TTF2: variants seen among roughly 807,000 people sequenced by gnomAD.
The protein encoded by TTF2 is RNA polymerase II termination factor.
TTF2 carries 108 observed loss-of-function variants against 142.4 expected under a neutral mutation model. That is an observed-to-expected ratio of 0.76 (90% CI 0.65 to 0.89). The LOEUF (loss-of-function observed/expected upper bound fraction) is 0.89, where lower values mean the gene tolerates loss of function less well. TTF2 is among the 40% of genes least tolerant of loss of function. TTF2 has a pLI of 0.00. For synonymous variants in TTF2, 483 were observed against 506.2 expected (o/e 0.95, Z 0.61); for missense variants, 1,327 against 1,379.8 (o/e 0.96, Z 0.61).
At chr1:117,072,422 CTTTT>C (rs34927356) in intron 3 of TTF2, among the ~76,000 whole-genome samples, 6 of 102,042 alleles carry the variant, frequency 5.9e-5, no homozygotes, top group African/African-American at 2.1e-4. Flanking sequence ...AAGATACGGA[CTTTT>C]TTTTTTTTTT....
rs1357712843 is a variant in TTF2, at chr1:117,088,884, G to C, written c.2244G>C (p.Gln748His). The change falls in exon 13 of 23, where the codon CAG becomes CAC. Residue 748 changes from glutamine (Q) to histidine (H), a missense_variant. By Grantham distance (24) the Gln-to-His change is conservative. Transcript: ENST00000369466. ...EAHNVKNPRV[Q>H]TSIAVCKLQA... ...ACAATGTTAAGAATCCCCGAGTGCAGACTTCCATAGCTGTGTGTAAGCTAC... is the reference window on the plus strand; with the variant it reads ...ACAATGTTAAGAATCCCCGAGTGCACACTTCCATAGCTGTGTGTAAGCTAC... The C allele has an allele frequency of 6.2e-7, 1 of 1,614,204 alleles. No homozygotes were observed. Among genetic ancestry groups the C allele is most frequent in the Admixed American group, 1.7e-5 (1 of 60,022 alleles).
Position 117,105,148 on chromosome 1 carries a change from AG to A in TTF2, c.*3627del, listed in dbSNP as rs1404136738. 3.9e-5 allele frequency: 6 copies of A among 151,968 alleles called. No individual in the cohort carries two copies. Among genetic ancestry groups the A allele is most frequent in the Admixed American group, 3.3e-4 (5 of 15,272 alleles). The allele number at this position is 151,968 out of a possible 1,614,324, so 9.4% of individuals were successfully genotyped here. Reference sequence around the variant, plus strand: ...GTAATAAATGCTTTGAAAACCATGAAGGGCCACACAAGTGCTAGTGTTATTG... The same window carrying A: ...GTAATAAATGCTTTGAAAACCATGAAGGCCACACAAGTGCTAGTGTTATTG... On this transcript the variant is annotated 3_prime_UTR_variant, in exon 23 of 23. Transcript: ENST00000369466. This position sits in a 1 kb window ranked among gnomAD's most constrained non-coding sequence, Gnocchi z 4.7.
At position 117,077,932 on chromosome 1, in the gene TTF2, T is replaced by C; in HGVS notation, c.1590T>C (p.Asp530=). ...TGTATGCAGGCCATACAAACCAAGA[T>C]CACGTTCATGCAGTGTGGAAAATCA... The part of the protein sequence containing the change: ...SQCYRGHTNQ[D]HVHAVWKITS... The change falls in exon 8 of 23, where the codon GAT becomes GAC. Residue 530 remains aspartate (D), a synonymous_variant. Coordinates refer to ENST00000369466, the MANE Select transcript of TTF2 (RefSeq NM_003594.4). The C allele has an allele frequency of 6.2e-7, 1 of 1,614,154 alleles. No individual in the cohort carries two copies. Among genetic ancestry groups the C allele is most frequent in the East Asian group, 2.2e-5 (1 of 44,884 alleles).
Position 117,076,555 on chromosome 1 carries a change from C to A in TTF2, c.1391-86C>A. 1 of 1,375,490 alleles carries A rather than the reference C, an allele frequency of 7.3e-7. No individual in the cohort carries two copies. The highest frequency in any genetic ancestry group is 1.4e-5 in the South Asian group (1 of 69,640). 85.2% of individuals were successfully genotyped at this position (1,375,490 alleles called of 1,614,324 possible). Reference sequence around the variant, plus strand: ...TCCTTCATCGGAATGGTGATGATCCCTCTCTCTTGACCTCACCTCCACACA... The same window carrying A: ...TCCTTCATCGGAATGGTGATGATCCATCTCTCTTGACCTCACCTCCACACA... On this transcript the variant is annotated intron_variant, in intron 6 of 22. Transcript: ENST00000369466. This position sits in a 1 kb window ranked among gnomAD's most constrained non-coding sequence, Gnocchi z 4.6.
At chr1:117,082,156 A>T in intron 10 of TTF2, 1 of 630,576 alleles carries the variant, frequency 1.6e-6, no homozygotes, top group Non-Finnish European at 2.7e-6. Flanking sequence ...TTTGCCTATA[A>T]ACTAGGCAGA....
chr1:117,084,900 C>A (rs76457284), intron 11 of TTF2, among the ~76,000 whole-genome samples: 5 of 152,152 alleles, frequency 3.3e-5, no homozygotes, highest in Non-Finnish European at 7.4e-5. Context: ...AAGAACGGGG[C>A]GGCAGTCTTT....
intron 7 of TTF2, 111 bp from the exon 8 acceptor site, chr1:117,077,805 T>C: frequency 7.0e-7 from 1 of 1,431,800 alleles, no homozygotes; most frequent in South Asian, 1.3e-5. Context: ...GGAGAGTAGT[T>C]AACAAGGAGG....
rs1175719738 is a variant in TTF2, at chr1:117,060,512, TC to T, written c.87del (p.Tyr30ThrfsTer29). ...VRDGPNKGKS[F>X]YVCRADTCSF... ...GATGGCCCGAATAAAGGAAAGAGCT[TC>T]TACGTGTGCCGGGCAGACACGTGCA... On this transcript the variant is annotated frameshift_variant, in exon 2 of 23. Transcript: ENST00000369466. LOFTEE classifies it high-confidence loss of function. The T allele has an allele frequency of 1.2e-6, 2 of 1,613,924 alleles. No homozygotes were observed. Among genetic ancestry groups the T allele is most frequent in the Non-Finnish European group, 1.7e-6 (2 of 1,179,928 alleles).
rs10494196 is a variant in TTF2, at chr1:117,073,657, T to C, written c.219-4T>C. ...TTGATTATTTGTGTTTTATACTTCA[T>C]TAGATTGTTCTTCCGATGCATTAGA... On this transcript the variant is annotated splice_region_variant and splice_polypyrimidine_tract_variant and intron_variant, in intron 3 of 22. Coordinates refer to ENST00000369466, the MANE Select transcript of TTF2 (RefSeq NM_003594.4). This position sits in a 1 kb window ranked among gnomAD's most constrained non-coding sequence, Gnocchi z 4.4. 58,439 of 1,607,628 alleles carry C rather than the reference T, an allele frequency of 0.036. 1,550 individuals are homozygous for C. Among genetic ancestry groups the C allele is most frequent in the African/African-American group, 0.12 (9,026 of 74,934 alleles).
At position 117,079,216 on chromosome 1, in the gene TTF2, G is replaced by A. The variant is rs750954847; in HGVS notation, c.1702-352G>A. 4.6e-5 allele frequency among the ~76,000 whole-genome samples: 7 copies of A among 152,078 alleles called. No homozygotes were observed. The highest frequency in any genetic ancestry group is 1.0e-4 in the Non-Finnish European group (7 of 68,012). On this transcript the variant is annotated intron_variant, in intron 8 of 22. Coordinates refer to ENST00000369466, the MANE Select transcript of TTF2 (RefSeq NM_003594.4). This position sits in a 1 kb window ranked among gnomAD's most constrained non-coding sequence, Gnocchi z 4.2. ...GATCACGCCACTGCACTCTAGCCTG[G>A]GCAACAGAGCGAGGCTGTCTCAAAA...
chr1:117,091,088 C>T (rs1052646821), intron 15 of TTF2, among the ~76,000 whole-genome samples: 1 of 152,140 alleles, frequency 6.6e-6, no homozygotes, highest in Non-Finnish European at 1.5e-5. Flanking sequence ...CTCTCATTTA[C>T]ATTTCTAATG....
chr1:117,094,191 C>T (rs1238979048), intron 18 of TTF2, among the ~76,000 whole-genome samples: 1 of 152,158 alleles, frequency 6.6e-6, no homozygotes, highest in Admixed American at 6.5e-5. Flanking sequence ...GTAATGACAT[C>T]CTAGAATGTG....
chr1:117,082,107 G>T, intron 10 of TTF2, 160 bp downstream of exon 10: 1 of 1,090,764 alleles, frequency 9.2e-7, no homozygotes, highest in Non-Finnish European at 1.3e-6. Context: ...TTCTGATGCT[G>T]AGTATGCTAA....
At chr1:117,089,400 T>G (rs1648369899) in intron 13 of TTF2, among the ~76,000 whole-genome samples, 1 of 152,072 alleles carries the variant, frequency 6.6e-6, no homozygotes, top group African/African-American at 2.4e-5. Flanking sequence ...TTAAAATATT[T>G]CCATTTGGCT....
intron 18 of TTF2, chr1:117,094,685 C>G (rs749000858): frequency 2.1e-6 from 1 of 484,442 alleles, no homozygotes; most frequent in African/African-American, 2.0e-5. Flanking sequence ...TGTGTACTCA[C>G]AGCCCCTCAC....
At chr1:117,091,164 T>C (rs1648541322) in intron 15 of TTF2, among the ~76,000 whole-genome samples, 164 bp from the exon 16 acceptor site, 1 of 152,238 alleles carries the variant, frequency 6.6e-6, no homozygotes, top group Non-Finnish European at 1.5e-5. Context: ...GATTGGTTTT[T>C]TAAAATAACT....
rs1190933389 is a variant in TTF2, at chr1:117,076,847, G to T, written c.1573+24G>T. The T allele has an allele frequency of 6.3e-7, 1 of 1,584,390 alleles. No homozygotes were observed. The highest frequency in any genetic ancestry group is 8.6e-7 in the Non-Finnish European group (1 of 1,163,658). ...AGGTAAGACCCAAGGGCCTGACCCT[G>T]CTGTGAATAGCCACCCCTGTGAGTT... On this transcript the variant is annotated intron_variant, in intron 7 of 22. Coordinates refer to ENST00000369466, the MANE Select transcript of TTF2 (RefSeq NM_003594.4). The surrounding 1 kb of genome is among the most constrained non-coding windows in gnomAD (Gnocchi z 4.6).
chr1:117,070,890 G>A lies in TTF2; in HGVS notation c.219-2771G>A, dbSNP rs1055455346. ...TTTGTTTATGTGTCCTGGTGAAGTA[G>A]TGGCATCAAGGGACCAGGACCTGCT... On this transcript the variant is annotated intron_variant, in intron 3 of 22. Transcript: ENST00000369466. This position sits in a 1 kb window ranked among gnomAD's most constrained non-coding sequence, Gnocchi z 4.2. Among the ~76,000 whole-genome samples the A allele has an allele frequency of 1.3e-5, 2 of 152,126 alleles. No homozygotes were observed. Among genetic ancestry groups the A allele is most frequent in the African/African-American group, 4.8e-5 (2 of 41,424 alleles).
At chr1:117,078,847 G>C (rs1257792441) in intron 8 of TTF2, among the ~76,000 whole-genome samples, 1 of 152,310 alleles carries the variant, frequency 6.6e-6, no homozygotes, top group East Asian at 1.9e-4. Flanking sequence ...GTGCAGACTG[G>C]GACATTGGCT....
Sources: allele counts gnomAD v4.1 joint callset (sites outside exome capture counted in the v4.1 genomes callset), GRCh38; gene constraint gnomAD v4.1.1; non-coding constraint Gnocchi (gnomAD v3.1); transcripts MANE v1.5; gene names NCBI Gene and HGNC (gene_info 2026-07-23, HGNC 2026-07-21).